Variants in PRKDC observed in about 807,000 individuals in gnomAD.
The protein encoded by PRKDC is DNA-dependent protein kinase catalytic subunit.
PRKDC carries 82 observed loss-of-function variants against 486.9 expected under a neutral mutation model. The observed-to-expected ratio is 0.17, with a 90% CI of 0.14 to 0.20. The LOEUF (loss-of-function observed/expected upper bound fraction) is 0.20, where lower values mean the gene tolerates loss of function less well. PRKDC is among the 10% of genes least tolerant of loss of function. The pLI, the probability that PRKDC is intolerant of heterozygous loss-of-function variation, is 1.00. For missense variants in PRKDC, 4,504 were observed against 5,038.2 expected (o/e 0.89, Z 3.21); for synonymous variants, 1,895 against 1,837.0 (o/e 1.03, Z -0.81).
rs757478932 is a variant in PRKDC at position 47,849,204 on chromosome 8, C to T, written c.7230G>A (p.Glu2410=). 5 of 1,613,904 alleles carry T rather than the reference C, an allele frequency of 3.1e-6. No homozygotes were observed. The Admixed American group carries it at 6.7e-5, about 22-fold the overall frequency. ...CCTTGCTCTTTAACTGGAAGTACAG[C>T]TCTGTCATTCCCTCCACACGACAAA... ...VVLCRVEGMT[E]LYFQLKSKDF... The change falls in exon 54 of 86, where the codon GAG becomes GAA. Residue 2410 remains glutamate, a synonymous_variant. Transcript: ENST00000314191.
At chr8:47,871,396 T>C (rs559824837) in intron 40 of PRKDC, among the ~76,000 whole-genome samples, 15 of 151,950 alleles carry the variant, frequency 9.9e-5, no homozygotes, top group Non-Finnish European at 1.6e-4. Context: ...AGCAGACTTA[T>C]GGGTGGAAAC....
chr8:47,860,834 G>GAACAA, intron 45 of PRKDC, 65 bp downstream of exon 45: 2 of 1,296,208 alleles, frequency 1.5e-6, no homozygotes, highest in Non-Finnish European at 2.2e-6. Context: ...ATTTGTCTTA[G>GAACAA]AACAAAACAA....
chr8:47,924,561 A>AAATAATAAT (rs371796979), intron 21 of PRKDC, among the ~76,000 whole-genome samples: 145 of 151,832 alleles, frequency 9.6e-4, no homozygotes, highest in African/African-American at 3.2e-3. Context: ...CTCTGTCTCA[A>AAATAATAAT]AATAATAATA....
chr8:47,780,206 C>T (rs1036776470), intron 80 of PRKDC, among the ~76,000 whole-genome samples: 5 of 152,194 alleles, frequency 3.3e-5, no homozygotes, highest in Non-Finnish European at 2.9e-5. Flanking sequence ...TGAGCTACTG[C>T]GCCCAGCCAG....
chr8:47,820,009 C>G (rs145091331), intron 66 of PRKDC, among the ~76,000 whole-genome samples: 185 of 152,228 alleles, frequency 1.2e-3, no homozygotes, highest in Non-Finnish European at 2.4e-3. Flanking sequence ...GGAAAAGATT[C>G]GCAGAAAAGC....
At chr8:47,831,956 C>T in intron 59 of PRKDC, 30 bp from the exon 60 acceptor site, 1 of 1,584,556 alleles carries the variant, frequency 6.3e-7, no homozygotes, top group Non-Finnish European at 8.6e-7. Context: ...CCAGTTACTC[C>T]CCGCCGCCCA....
At position 47,862,084 on chromosome 8, in the gene PRKDC, T is replaced by A. The variant is rs1187674610; in HGVS notation, c.5963A>T (p.Tyr1988Phe). 1.9e-6 allele frequency: 3 copies of A among 1,553,882 alleles called. No individual in the cohort carries two copies. The highest frequency in any genetic ancestry group is 1.7e-4 in the Middle Eastern group (1 of 5,992). Residue 1988 changes from tyrosine to phenylalanine, a missense_variant, in exon 44 of 86, where the codon TAT (tyrosine) becomes TTT (phenylalanine). Transcript: ENST00000314191. The stretch of plus-strand genomic sequence containing the variant: ...CACCTCAACTTCTACAGGAAAATTA[T>A]AGCGGCGCTTCAGGTCGATCAGATT... ...FENLIDLKRR[Y>F]NFPVEVEVPM...
At chr8:47,886,385 CTTG>C (rs745695680) in intron 35 of PRKDC, among the ~76,000 whole-genome samples, 3 of 152,044 alleles carry the variant, frequency 2.0e-5, no homozygotes, top group Non-Finnish European at 2.9e-5. Context: ...GTCCAAAAGT[CTTG>C]TTGTTGTGTT....
rs535403859 is a variant in PRKDC at position 47,944,293 on chromosome 8, C to T, written c.722-264G>A. ...TACAAGCTCTAAGAGATTTAAACAC[C>T]AACTCATCACTTAAAAGCTCTGTTA... On this transcript the variant is annotated intron_variant, in intron 7 of 85. Transcript: ENST00000314191. Among the ~76,000 whole-genome samples, 43 of 151,862 alleles carry T rather than the reference C, an allele frequency of 2.8e-4. No homozygotes were observed. The South Asian group carries it at 8.7e-3, about 31-fold the overall frequency.
rs768445768 is a variant in PRKDC at position 47,837,434 on chromosome 8, GA to G, written c.7554-16del. ...GAATAATTAATCTGAAAAGCAAAGA[GA>G]AAAAAGTATATTGCTTAGACAATGG... On this transcript the variant is annotated splice_polypyrimidine_tract_variant and intron_variant, in intron 56 of 85. Coordinates refer to ENST00000314191, the MANE Select transcript of PRKDC (RefSeq NM_006904.7). 30 of 1,564,826 alleles carry G rather than the reference GA, an allele frequency of 1.9e-5. 1 individual carries two copies. Among genetic ancestry groups the G allele is most frequent in the Middle Eastern group, 3.4e-4 (2 of 5,918 alleles).
Position 47,782,079 on chromosome 8 carries a change from C to A in PRKDC, c.11489+83G>T. The A allele has an allele frequency of 1.6e-6, 2 of 1,244,340 alleles. No homozygotes were observed. Among genetic ancestry groups the A allele is most frequent in the Non-Finnish European group, 2.3e-6 (2 of 859,112 alleles). The allele number at this position is 1,244,340 out of a possible 1,614,324, so 77.1% of individuals were successfully genotyped here. ...GGGGCAGGCAGTGTGGGCTCTCGAG[C>A]GCGCCTGTCACGGCCCCGACCTGCC... is the stretch of plus-strand genomic sequence containing the variant. On this transcript the variant is annotated intron_variant, in intron 80 of 85. Transcript: ENST00000314191. This position sits in a 1 kb window ranked among gnomAD's most constrained non-coding sequence, Gnocchi z 4.9.
chr8:47,935,804 T>C lies in PRKDC; in HGVS notation c.1375A>G (p.Arg459Gly), dbSNP rs2090340134. The C allele has an allele frequency of 1.2e-6, 2 of 1,613,934 alleles. No individual in the cohort carries two copies. The highest frequency in any genetic ancestry group is 1.7e-6 in the Non-Finnish European group (2 of 1,179,902). Reference sequence around the variant, plus strand: ...GCTAGGAACACCTTCACTATGGCTCTGCAACACACCAGCTGCATTTTTGGA... The same window carrying C: ...GCTAGGAACACCTTCACTATGGCTCCGCAACACACCAGCTGCATTTTTGGA... Reference protein sequence around the residue: ...YSPKMQLVCCRAIVKVFLALA... With the variant: ...YSPKMQLVCCGAIVKVFLALA... Residue 459 changes from arginine to glycine, a missense_variant, in exon 13 of 86, where the codon AGA (arginine) becomes GGA (glycine). This residue lies in a region of PRKDC where 1,969 missense variants were observed against 2,068.9 expected (regional missense o/e 0.95). Coordinates refer to ENST00000314191, the MANE Select transcript of PRKDC (RefSeq NM_006904.7).
At chr8:47,897,789 G>C (rs1006767299) in intron 29 of PRKDC, among the ~76,000 whole-genome samples, 1 of 152,200 alleles carries the variant, frequency 6.6e-6, no homozygotes, top group African/African-American at 2.4e-5. Context: ...AACTGATATC[G>C]TAAGTTAATA....
At position 47,828,214 on chromosome 8, in the gene PRKDC, A is replaced by G; in HGVS notation, c.8531T>C (p.Leu2844Pro). Residue 2844 changes from leucine (L) to proline (P), a missense_variant, in exon 62 of 86, where the codon CTT becomes CCT. Transcript: ENST00000314191. ...TGGAAAGAAAGAGAAGGTGGTATTA[A>G]GAAAACGATTGAAGTCTTGAAGCAA... is the stretch of plus-strand genomic sequence containing the variant. The part of the protein sequence containing the change: ...QKLLQDFNRF[L>P]NTTFSFFPPF... 6.2e-7 allele frequency: 1 copy of G among 1,613,932 alleles called. No homozygotes were observed.
chr8:47,829,308 T>A (rs2087810270), intron 61 of PRKDC, among the ~76,000 whole-genome samples: 1 of 152,238 alleles, frequency 6.6e-6, no homozygotes, highest in South Asian at 2.1e-4. Flanking sequence ...TTTTGATGTT[T>A]TATGAACAAA....
chr8:47,919,880 A>G (rs1317233408), intron 21 of PRKDC, among the ~76,000 whole-genome samples: 1 of 152,156 alleles, frequency 6.6e-6, no homozygotes, highest in African/African-American at 2.4e-5. Context: ...GCACTGCGAC[A>G]TGTTCGTGAT....
At position 47,834,301 on chromosome 8, in the gene PRKDC, T is replaced by C. The variant is rs2087956183; in HGVS notation, c.8047A>G (p.Lys2683Glu). ...PSSDSLLFAHKRSERLQRAPL... is the reference protein window; with the variant it reads ...PSSDSLLFAHERSERLQRAPL... ...GCTCTCTGTAACCTTTCACTCCTCT[T>C]GTGGGCAAACAGCAAGGAGTCAGAT... Residue 2683 changes from lysine to glutamate, a missense_variant, in exon 59 of 86, where the codon AAG (lysine) becomes GAG (glutamate). Around this residue, in one of 6 missense-constraint regions of PRKDC, gnomAD observed 1,592 missense variants for 1,724.6 expected, o/e 0.92. Transcript: ENST00000314191. 6.2e-7 allele frequency: 1 copy of C among 1,614,022 alleles called. No homozygotes were observed. Among genetic ancestry groups the C allele is most frequent in the Non-Finnish European group, 8.5e-7 (1 of 1,179,900 alleles).
intron 36 of PRKDC, among the ~76,000 whole-genome samples, chr8:47,883,131 C>G (rs1249163407): frequency 6.6e-6 from 1 of 152,202 alleles, no homozygotes; most frequent in Admixed American, 6.5e-5. Flanking sequence ...TCTTGGGGAT[C>G]TGGCATGTCT....
chr8:47,790,829 T>G (rs1266467320), intron 74 of PRKDC, among the ~76,000 whole-genome samples: 3 of 152,120 alleles, frequency 2.0e-5, no homozygotes, highest in African/African-American at 4.8e-5. Flanking sequence ...CAGTCTCCAA[T>G]AAATGGTCCT....
Sources: gnomAD v4.1 joint callset for allele counts (sites outside exome capture counted in the v4.1 genomes callset) on GRCh38, gnomAD v4.1.1 for gene constraint, gnomAD v4.1.1 regional missense constraint, Gnocchi (gnomAD v3.1) non-coding constraint, MANE v1.5 for transcripts, NCBI Gene and HGNC (gene_info 2026-07-23, HGNC 2026-07-21) for gene names.